Variants in PLEKHA5 observed in about 807,000 individuals in gnomAD.
The protein encoded by PLEKHA5 is pleckstrin homology domain-containing family A member 5.
A neutral mutation model predicts 181.9 loss-of-function variants in PLEKHA5; 55 were observed. The observed-to-expected ratio is 0.30, with a 90% CI of 0.24 to 0.38. PLEKHA5 has a LOEUF of 0.38. Ranked by LOEUF, PLEKHA5 falls within the 10% of genes least tolerant of loss-of-function variation. The pLI is 1.00. For missense variants in PLEKHA5, 1,432 were observed against 1,549.5 expected (o/e 0.92, Z 1.27); for synonymous variants, 535 against 529.4 (o/e 1.01, Z -0.15).
rs545175175 is a variant in PLEKHA5, at chr12:19,363,003, G to GGCCCTGAA, written c.3608+1298_3608+1305dup. The stretch of plus-strand genomic sequence containing the variant: ...CTGCAGATTTTGCTATCTGTGGGGG[G>GGCCCTGAA]GCCCTGAAATCAGTCTTCCCAGGTA... On this transcript the variant is annotated intron_variant, in intron 29 of 31. Transcript: ENST00000429027. Among the ~76,000 whole-genome samples, 536 of 152,068 alleles carry GGCCCTGAA rather than the reference G, an allele frequency of 3.5e-3. 3 individuals carry two copies. Among genetic ancestry groups the GGCCCTGAA allele is most frequent in the African/African-American group, 0.012 (491 of 41,508 alleles).
intron 15 of PLEKHA5, chr12:19,306,877 T>A: frequency 2.5e-6 from 2 of 801,578 alleles, no homozygotes; most frequent in East Asian, 4.9e-5. Context: ...GAGTTATTCC[T>A]GATAAGGCTA....
chr12:19,244,043 T>G (rs2152470147), intron 3 of PLEKHA5, among the ~76,000 whole-genome samples: 1 of 152,262 alleles, frequency 6.6e-6, no homozygotes, highest in South Asian at 2.1e-4. Flanking sequence ...GTTATCTATG[T>G]GAAACATTAA....
Position 19,129,898 on chromosome 12 carries a change from C to T in PLEKHA5, c.89+10C>T, listed in dbSNP as rs759456293. The T allele has an allele frequency of 3.9e-5, 62 of 1,597,016 alleles. No individual in the cohort carries two copies. The highest frequency in any genetic ancestry group is 5.1e-5 in the Non-Finnish European group (60 of 1,171,940). ...GAGTCTTCTTCATCAAGTAAAGAGC[C>T]GGGGACGGCACGGGGGCCCGCGGGG... On this transcript the variant is annotated intron_variant, in intron 1 of 31. Coordinates refer to ENST00000429027, the MANE Select transcript of PLEKHA5 (RefSeq NM_001256470.2).
intron 3 of PLEKHA5, among the ~76,000 whole-genome samples, chr12:19,186,512 G>A (rs1008462908): frequency 3.3e-5 from 5 of 152,086 alleles, no homozygotes; most frequent in Admixed American, 6.6e-5. Flanking sequence ...AAATAAGCTC[G>A]AATTTAGTAT....
chr12:19,298,408 C>CTTTTTTTTTTTTTTTT (rs533661916), intron 15 of PLEKHA5, among the ~76,000 whole-genome samples: 8 of 106,314 alleles, frequency 7.5e-5, no homozygotes, highest in South Asian at 3.4e-4. Context: ...ATTTTTTTAG[C>CTTTTTTTTTTTTTTTT]TTTTTTTTTT....
At chr12:19,221,715 C>T (rs924149231) in intron 3 of PLEKHA5, among the ~76,000 whole-genome samples, 2 of 152,124 alleles carry the variant, frequency 1.3e-5, no homozygotes, top group Non-Finnish European at 2.9e-5. Flanking sequence ...CCTCACTGAA[C>T]GGCATGGGGC....
At chr12:19,318,347 C>T (rs946675910) in intron 16 of PLEKHA5, among the ~76,000 whole-genome samples, 2 of 152,028 alleles carry the variant, frequency 1.3e-5, no homozygotes, top group African/African-American at 2.4e-5. Flanking sequence ...AAGGATATAT[C>T]GCTCTAAAGT....
rs751879477 is a variant in PLEKHA5, at chr12:19,289,979, G to A, written c.1864-698G>A. On this transcript the variant is annotated intron_variant, in intron 13 of 31. Coordinates refer to ENST00000429027, the MANE Select transcript of PLEKHA5 (RefSeq NM_001256470.2). Reference sequence around the variant, plus strand: ...TTATTTTGAGATGGAGTCTCGCCGTGTCGCCCAGGTTGGAATGCAATGGCG... The same window carrying A: ...TTATTTTGAGATGGAGTCTCGCCGTATCGCCCAGGTTGGAATGCAATGGCG... Among the ~76,000 whole-genome samples the A allele has an allele frequency of 1.1e-4, 16 of 151,858 alleles. 1 individual carries two copies. Among genetic ancestry groups the A allele is most frequent in the South Asian group, 2.1e-4 (1 of 4,818 alleles).
At chr12:19,133,956 C>A (rs947502147) in intron 3 of PLEKHA5, among the ~76,000 whole-genome samples, 2 of 151,950 alleles carry the variant, frequency 1.3e-5, no homozygotes, top group African/African-American at 2.4e-5. Flanking sequence ...TGAAGAAAAA[C>A]AGTTTTTTCA....
In PLEKHA5 at chr12:19,366,117, G is replaced by A; in HGVS notation, c.3754+8G>A. 1.3e-6 allele frequency: 2 copies of A among 1,595,314 alleles called. No homozygotes were observed. Among genetic ancestry groups the A allele is most frequent in the Non-Finnish European group, 1.7e-6 (2 of 1,171,646 alleles). ...GAAATCAAACAATGGCAGGTAGGTA[G>A]TATACACTTCATAATTTTCTACCTG... On this transcript the variant is annotated splice_region_variant and intron_variant, in intron 30 of 31. Transcript: ENST00000429027.
chr12:19,192,318 A>T (rs2051338771), intron 3 of PLEKHA5, among the ~76,000 whole-genome samples: 3 of 152,178 alleles, frequency 2.0e-5, no homozygotes, highest in Admixed American at 1.3e-4. Flanking sequence ...GGAAAGACTG[A>T]TTAAGTTCAC....
intron 3 of PLEKHA5, among the ~76,000 whole-genome samples, chr12:19,242,390 C>T (rs925881718): frequency 2.0e-5 from 3 of 151,904 alleles, no homozygotes; most frequent in Non-Finnish European, 4.4e-5. Context: ...AGATGGGCGC[C>T]ACTGCACACC....
intron 15 of PLEKHA5, 137 bp from the exon 16 acceptor site, chr12:19,314,677 A>G: frequency 4.4e-6 from 3 of 676,602 alleles, no homozygotes; most frequent in Non-Finnish European, 8.2e-6. Context: ...TTAAATCTGT[A>G]CAACCATGGG....
At chr12:19,145,324 T>G (rs2038625259) in intron 3 of PLEKHA5, among the ~76,000 whole-genome samples, 1 of 152,108 alleles carries the variant, frequency 6.6e-6, no homozygotes, top group Non-Finnish European at 1.5e-5. Context: ...CCCTCTGCCT[T>G]CCAAGAGGAC....
intron 23 of PLEKHA5, 87 bp downstream of exon 23, chr12:19,345,975 A>C: frequency 1.5e-6 from 1 of 654,042 alleles, no homozygotes; most frequent in East Asian, 3.0e-5. Context: ...AATCTTAATA[A>C]CAAAAATATT....
chr12:19,198,177 G>A (rs2053384959), intron 3 of PLEKHA5, among the ~76,000 whole-genome samples: 1 of 152,126 alleles, frequency 6.6e-6, no homozygotes, highest in South Asian at 2.1e-4. Flanking sequence ...TTCAGATCTT[G>A]TCAATGTCTT....
chr12:19,134,154 A>G (rs576033135), intron 3 of PLEKHA5, among the ~76,000 whole-genome samples: 1 of 152,084 alleles, frequency 6.6e-6, no homozygotes, highest in East Asian at 1.9e-4. Context: ...TTTAATTTAG[A>G]ACTAAGCTGT....
Position 19,336,749 on chromosome 12 carries a change from T to G in PLEKHA5, c.2550+133T>G, listed in dbSNP as rs545273292. Reference sequence around the variant, plus strand: ...TACCTGAGACCTGGATTTGAATACTTTTAATGACAGGAATCTTACTATCTC... The same window carrying G: ...TACCTGAGACCTGGATTTGAATACTGTTAATGACAGGAATCTTACTATCTC... On this transcript the variant is annotated intron_variant, in intron 21 of 31. Transcript: ENST00000429027. 1.5e-5 allele frequency: 9 copies of G among 582,538 alleles called. No individual in the cohort carries two copies. In the East Asian group the frequency reaches 2.8e-4, roughly 18 times the overall value. 36.1% of individuals were successfully genotyped at this position (582,538 alleles called of 1,614,324 possible). A position where few individuals can be genotyped will look rare whatever the true frequency, so the allele number is the denominator to read the frequency against.
chr12:19,360,888 T>A (rs1447529723), intron 28 of PLEKHA5, among the ~76,000 whole-genome samples: 1 of 151,890 alleles, frequency 6.6e-6, no homozygotes, highest in Non-Finnish European at 1.5e-5. Context: ...CCCAAGTAGC[T>A]AGGATTACAG....
Sources: allele counts gnomAD v4.1 joint callset (sites outside exome capture counted in the v4.1 genomes callset), GRCh38; gene constraint gnomAD v4.1.1; transcripts MANE v1.5; gene names NCBI Gene and HGNC (gene_info 2026-07-23, HGNC 2026-07-21).